Variants in SLC28A1 observed in about 807,000 individuals in gnomAD.
The protein encoded by SLC28A1 is solute carrier family 28 member 1.
Under a neutral mutation model 74.8 loss-of-function variants are expected in SLC28A1, and 64 were observed. The observed-to-expected ratio is 0.86, with a 90% CI of 0.70 to 1.05. The LOEUF is 1.05. Among genes scored for constraint, SLC28A1 ranks in the 50% least tolerant of loss-of-function variants. The probability of loss-of-function intolerance (pLI) is 0.00; values close to 1 mark genes in which losing one functional copy is unlikely to be tolerated. For synonymous variants in SLC28A1, 359 were observed against 335.0 expected, an observed-to-expected ratio of 1.07 and a Z score of -0.78; for missense variants, 828 against 822.8, an observed-to-expected ratio of 1.01 and a Z score of -0.08.
the SLC28A1 span, among the ~76,000 whole-genome samples, chr15:84,959,161 T>C: frequency 6.7e-6 from 1 of 149,390 alleles, no homozygotes; most frequent in Non-Finnish European, 1.5e-5. Context: ...TGGAGTGCAG[T>C]GGCATGATCA....
chr15:84,890,476 C>CT lies in SLC28A1; in HGVS notation c.221dup (p.Cys75LeufsTer79). ...TGCAGCCAGCCCTGAGAGCCAGAAG[C>CT]TTCTGCAGGGAGCACATGCAGCTGT... is the stretch of plus-strand genomic sequence containing the variant. On this transcript the variant is annotated frameshift_variant, in exon 5 of 19. Transcript: ENST00000394573. LOFTEE classifies it high-confidence loss of function. 1 of 1,610,952 alleles carries CT rather than the reference C, an allele frequency of 6.2e-7. No homozygotes were observed. The highest frequency in any genetic ancestry group is 8.5e-7 in the Non-Finnish European group (1 of 1,179,592).
Position 84,896,628 on chromosome 15 carries a change from A to G in SLC28A1, c.461+1505A>G, listed in dbSNP as rs555822469. 4.1e-3 allele frequency among the ~76,000 whole-genome samples: 623 copies of G among 152,268 alleles called. 1 individual carries two copies. Among genetic ancestry groups the G allele is most frequent in the South Asian group, 1.0e-2 (48 of 4,822 alleles). The stretch of plus-strand genomic sequence containing the variant: ...GGAGTTTGAGACCAGCCTGGCCAAC[A>G]TGGCGAAACCCTGTCTCTACTAAAA... On this transcript the variant is annotated intron_variant, in intron 6 of 18. Coordinates refer to ENST00000394573, the MANE Select transcript of SLC28A1 (RefSeq NM_004213.5).
intron 15 of SLC28A1, among the ~76,000 whole-genome samples, chr15:84,942,773 C>T (rs763825390): frequency 1.6e-4 from 24 of 151,902 alleles, no homozygotes; most frequent in Non-Finnish European, 3.1e-4. Flanking sequence ...CCCAGGACTG[C>T]GGGGTCAGGG....
the SLC28A1 span, among the ~76,000 whole-genome samples, chr15:84,957,305 T>C: frequency 6.6e-6 from 1 of 152,270 alleles, no homozygotes; most frequent in East Asian, 1.9e-4. Context: ...CTCACTCTGT[T>C]GCCCAGACTG....
Position 84,890,445 on chromosome 15 carries a change from G to A in SLC28A1, c.188G>A (p.Arg63Lys). 1.2e-6 allele frequency: 2 copies of A among 1,607,432 alleles called. No homozygotes were observed. Among genetic ancestry groups the A allele is most frequent in the South Asian group, 2.2e-5 (2 of 90,158 alleles). ...GACCCTGCTGGTCTTGTTCCCAGGA[G>A]GAACCTGCAGCCAGCCCTGAGAGCC... ...EAAPKPFSRW[R>K]NLQPALRARS... Residue 63 changes from arginine to lysine, a missense_variant and splice_region_variant, in exon 5 of 19, where the codon AGG (arginine) becomes AAG (lysine). By Grantham distance (26) the Arg-to-Lys change is conservative. Transcript: ENST00000394573.
At chr15:84,935,292 C>T (rs17216016) in intron 14 of SLC28A1, 29 bp from the exon 15 acceptor site, 62,145 of 1,613,324 alleles carry the variant, frequency 0.039, 1,494 homozygotes, top group Non-Finnish European at 0.048. Flanking sequence ...GCCCAGCCCT[C>T]GGTGCCAGCC....
Position 84,933,187 on chromosome 15 carries a change from C to T in SLC28A1, c.1126C>T (p.Pro376Ser). The change falls in exon 13 of 19, where the codon CCT becomes TCT. Residue 376 changes from proline to serine, a missense_variant. By Grantham distance (74) the Pro-to-Ser change is moderately conservative. Transcript: ENST00000394573. Reference protein sequence around the residue: ...SLIAASVMAAPCALALSKLVY... With the variant: ...SLIAASVMAASCALALSKLVY... ...GATTGCAGCCTCTGTGATGGCTGCC[C>T]CTTGTGCCTTGGCCCTCTCCAAGCT... is the stretch of plus-strand genomic sequence containing the variant. The T allele has an allele frequency of 6.2e-7, 1 of 1,613,684 alleles. No homozygotes were observed. Among genetic ancestry groups the T allele is most frequent in the Non-Finnish European group, 8.5e-7 (1 of 1,179,836 alleles).
chr15:84,930,587 T>A lies in SLC28A1; in HGVS notation c.1084-2558T>A, dbSNP rs1971147386. Among the ~76,000 whole-genome samples the A allele has an allele frequency of 2.7e-5, 4 of 150,166 alleles. No homozygotes were observed. The South Asian group carries it at 8.4e-4, about 32-fold the overall frequency. On this transcript the variant is annotated intron_variant, in intron 12 of 18. Transcript: ENST00000394573. ...GCCTGGCACTTCCCTGAGATGGTAA[T>A]GAGGGGTGCCCACGATCTGCCCTCT...
At chr15:84,926,802 A>AGGGG (rs544419272) in intron 12 of SLC28A1, among the ~76,000 whole-genome samples, 36 of 108,154 alleles carry the variant, frequency 3.3e-4, no homozygotes, top group South Asian at 2.8e-3. Context: ...GGGTGGGGGG[A>AGGGG]GGGGGGGGGT....
intron 5 of SLC28A1, 57 bp from the exon 6 acceptor site, chr15:84,894,883 A>C (rs561665887): frequency 5.1e-6 from 8 of 1,558,140 alleles, no homozygotes; most frequent in Non-Finnish European, 6.2e-6. Context: ...GCGGGGCTGC[A>C]GGGTTCTGAA....
chr15:84,953,382 C>G, the SLC28A1 span, among the ~76,000 whole-genome samples: 2 of 152,318 alleles, frequency 1.3e-5, no homozygotes, highest in East Asian at 1.9e-4. Flanking sequence ...CTCTCAACAG[C>G]TGGTGGGTTT....
chr15:84,901,016 G>A (rs779871289), intron 6 of SLC28A1, among the ~76,000 whole-genome samples: 1 of 152,102 alleles, frequency 6.6e-6, no homozygotes, highest in Non-Finnish European at 1.5e-5. Flanking sequence ...GAGGTCAAGA[G>A]ATTGGGACCA....
At chr15:84,958,621 G>A in the SLC28A1 span, among the ~76,000 whole-genome samples, 1 of 151,958 alleles carries the variant, frequency 6.6e-6, no homozygotes, top group Non-Finnish European at 1.5e-5. Context: ...TGGTGCAACC[G>A]TAGCTTACTG....
intron 9 of SLC28A1, among the ~76,000 whole-genome samples, chr15:84,909,508 C>T (rs374386899): frequency 7.9e-5 from 12 of 152,278 alleles, no homozygotes; most frequent in Admixed American, 1.3e-4. Flanking sequence ...TCAGCCTGTG[C>T]GGAGGATGAG....
In SLC28A1 at chr15:84,902,253, G is replaced by A. The variant is rs575506224; in HGVS notation, c.462-1844G>A. Among the ~76,000 whole-genome samples the A allele has an allele frequency of 1.1e-4, 17 of 152,290 alleles. No homozygotes were observed. In the South Asian group the frequency reaches 2.7e-3, roughly 24 times the overall value. On this transcript the variant is annotated intron_variant, in intron 6 of 18. Coordinates refer to ENST00000394573, the MANE Select transcript of SLC28A1 (RefSeq NM_004213.5). ...CCAGCACTTTGGGAGGCTGAGGCGG[G>A]CAGATCACTTGAGGTCAGAAATTCA... is the stretch of plus-strand genomic sequence containing the variant.
chr15:84,923,463 TC>T (rs1486705276), intron 11 of SLC28A1, among the ~76,000 whole-genome samples: 1 of 152,042 alleles, frequency 6.6e-6, no homozygotes, highest in Non-Finnish European at 1.5e-5. Flanking sequence ...CAGTAGGCGC[TC>T]AACAACTAGA....
At chr15:84,929,631 ATG>A (rs1971049768) in intron 12 of SLC28A1, among the ~76,000 whole-genome samples, 1 of 151,720 alleles carries the variant, frequency 6.6e-6, no homozygotes, top group South Asian at 2.1e-4. Flanking sequence ...AGGCAGGAGG[ATG>A]GCTGAGACCA....
the SLC28A1 span, among the ~76,000 whole-genome samples, chr15:84,959,075 G>A: frequency 7.2e-6 from 1 of 138,756 alleles, no homozygotes; most frequent in African/African-American, 2.7e-5. Context: ...ACTCCAGCCT[G>A]GGTGACAGAG....
At chr15:84,942,619 G>T (rs1432560695) in intron 15 of SLC28A1, among the ~76,000 whole-genome samples, 3 of 152,168 alleles carry the variant, frequency 2.0e-5, no homozygotes, top group Admixed American at 2.0e-4. Flanking sequence ...GACACTGAAA[G>T]AAGTGACTGA....
Sources: allele counts gnomAD v4.1 joint callset (sites outside exome capture counted in the v4.1 genomes callset), GRCh38; gene constraint gnomAD v4.1.1; transcripts MANE v1.5; gene names NCBI Gene and HGNC (gene_info 2026-07-23, HGNC 2026-07-21).